CLMP: variants seen among roughly 807,000 people sequenced by gnomAD.
CLMP encodes the protein CXADR like cell adhesion molecule.
A neutral mutation model predicts 45.2 loss-of-function variants in CLMP; 27 were observed. The observed-to-expected ratio is 0.60, with a 90% CI of 0.44 to 0.82. The LOEUF is 0.82. Ranked by LOEUF, CLMP falls within the 40% of genes least tolerant of loss-of-function variation. The probability of loss-of-function intolerance (pLI) is 0.00; values close to 1 mark genes in which losing one functional copy is unlikely to be tolerated. For synonymous variants in CLMP, 167 were observed against 171.4 expected (o/e 0.97, Z 0.20); for missense variants, 403 against 448.4 (o/e 0.90, Z 0.91).
intron 1 of CLMP, among the ~76,000 whole-genome samples, chr11:123,125,497 C>T (rs1860876838): frequency 1.8e-5 from 2 of 109,592 alleles, no homozygotes; most frequent in Admixed American, 1.9e-4. Flanking sequence ...TCCTTCCTCC[C>T]TTCTTCCTCC....
chr11:123,078,605 C>A (rs1865765837), intron 5 of CLMP, among the ~76,000 whole-genome samples: 2 of 151,624 alleles, frequency 1.3e-5, no homozygotes, highest in Non-Finnish European at 2.9e-5. Flanking sequence ...CACCACCATG[C>A]CCAGCTAAGT....
At chr11:123,117,288 C>T (rs1032374516) in intron 1 of CLMP, among the ~76,000 whole-genome samples, 2 of 152,000 alleles carry the variant, frequency 1.3e-5, no homozygotes, top group African/African-American at 4.8e-5. Flanking sequence ...CAAAATTTTG[C>T]CTCATTTTAC....
intron 2 of CLMP, among the ~76,000 whole-genome samples, chr11:123,093,526 T>G (rs1007248940): frequency 6.8e-6 from 1 of 146,068 alleles, no homozygotes; most frequent in African/African-American, 2.6e-5. Flanking sequence ...TTTTGTGTTT[T>G]TAGTCGAGAG....
chr11:123,144,655 C>T (rs1050492278), intron 1 of CLMP, among the ~76,000 whole-genome samples: 1 of 152,112 alleles, frequency 6.6e-6, no homozygotes, highest in African/African-American at 2.4e-5. Flanking sequence ...CAGGCATGAG[C>T]CACCACTCCC....
intron 1 of CLMP, among the ~76,000 whole-genome samples, chr11:123,138,275 C>T (rs144906079): frequency 6.6e-6 from 1 of 152,148 alleles, no homozygotes; most frequent in Non-Finnish European, 1.5e-5. Context: ...CACATGGAAA[C>T]ACTGCAAGGC....
At chr11:123,079,157 T>C (rs971299740) in intron 5 of CLMP, among the ~76,000 whole-genome samples, 3 of 152,190 alleles carry the variant, frequency 2.0e-5, no homozygotes, top group African/African-American at 4.8e-5. Context: ...CACTTATCCT[T>C]CTTCTTTGTA....
At chr11:123,084,026 C>G (rs979119508) in intron 3 of CLMP, among the ~76,000 whole-genome samples, 179 bp from the exon 4 acceptor site, 1 of 152,192 alleles carries the variant, frequency 6.6e-6, no homozygotes, top group Non-Finnish European at 1.5e-5. Context: ...CACCTCCATC[C>G]CCTAAGCACA....
At chr11:123,097,725 TG>T in intron 2 of CLMP, 69 bp downstream of exon 2, 1 of 1,237,570 alleles carries the variant, frequency 8.1e-7, no homozygotes, top group Non-Finnish European at 1.1e-6. Context: ...AAAGAAAGAC[TG>T]GAAGACTGAA....
At chr11:123,109,816 T>C (rs916914101) in intron 1 of CLMP, among the ~76,000 whole-genome samples, 1 of 152,186 alleles carries the variant, frequency 6.6e-6, no homozygotes, top group Non-Finnish European at 1.5e-5. Flanking sequence ...ATCTCCATTG[T>C]ACTTTATACT....
intron 2 of CLMP, among the ~76,000 whole-genome samples, chr11:123,094,590 T>C (rs558826615): frequency 1.3e-5 from 2 of 152,192 alleles, no homozygotes; most frequent in East Asian, 3.9e-4. Context: ...GAAATGGGAG[T>C]TCTCACTCTG....
chr11:123,141,173 CTTTTTTTTTTTTTTT>C (rs550888215), intron 1 of CLMP, among the ~76,000 whole-genome samples: 8 of 80,808 alleles, frequency 9.9e-5, no homozygotes, highest in East Asian at 4.0e-4. Flanking sequence ...TCAGGCATTC[CTTTTTTTTTTTTTTT>C]TTTTTTTTTT....
intron 1 of CLMP, among the ~76,000 whole-genome samples, chr11:123,145,484 CG>C (rs11356801): frequency 0.48 from 60,687 of 127,364 alleles, 13,365 homozygotes; most frequent in African/African-American, 0.61. Flanking sequence ...TTTTTTGAGA[CG>C]GGAGTCTTGC....
chr11:123,114,447 CCTCT>C (rs1236931223), intron 1 of CLMP, among the ~76,000 whole-genome samples: 3 of 141,308 alleles, frequency 2.1e-5, no homozygotes, highest in Non-Finnish European at 3.1e-5. Context: ...TCCCTCCCTC[CCTCT>C]CTCCCTCCCT....
chr11:123,141,523 C>CCCTT (rs1308299825), intron 1 of CLMP, among the ~76,000 whole-genome samples: 7 of 152,184 alleles, frequency 4.6e-5, no homozygotes, highest in African/African-American at 1.7e-4. Flanking sequence ...ACTAATACAA[C>CCCTT]CCTTCCTCCT....
intron 1 of CLMP, among the ~76,000 whole-genome samples, chr11:123,171,841 T>C (rs1162570873): frequency 6.6e-6 from 1 of 152,168 alleles, no homozygotes; most frequent in African/African-American, 2.4e-5. Context: ...ACTTTAAAAA[T>C]AGAAGTTATA....
intron 1 of CLMP, among the ~76,000 whole-genome samples, chr11:123,183,550 AG>A (rs1273161357): frequency 6.6e-6 from 1 of 152,186 alleles, no homozygotes; most frequent in African/African-American, 2.4e-5. Context: ...CTCTTTGAGT[AG>A]CAAGATACTC....
At chr11:123,145,274 G>T (rs1861219420) in intron 1 of CLMP, among the ~76,000 whole-genome samples, 1 of 151,962 alleles carries the variant, frequency 6.6e-6, no homozygotes, top group South Asian at 2.1e-4. Context: ...TGCTATTAAA[G>T]GGTTAACTTT....
chr11:123,098,496 G>A (rs899203580), intron 1 of CLMP, among the ~76,000 whole-genome samples: 1 of 151,852 alleles, frequency 6.6e-6, no homozygotes, highest in Non-Finnish European at 1.5e-5. Context: ...CCAAAGTGCT[G>A]GTATTATAAG....
At chr11:123,149,229 T>C (rs992414533) in intron 1 of CLMP, among the ~76,000 whole-genome samples, 1 of 152,180 alleles carries the variant, frequency 6.6e-6, no homozygotes, top group Non-Finnish European at 1.5e-5. Context: ...AGGAAAGAAT[T>C]CTTCCCTAGA....
Sources: allele counts gnomAD v4.1 joint callset (sites outside exome capture counted in the v4.1 genomes callset), GRCh38; gene constraint gnomAD v4.1.1; transcripts MANE v1.5; gene names NCBI Gene and HGNC (gene_info 2026-07-23, HGNC 2026-07-21).